Variants in TES observed in about 807,000 individuals in gnomAD.
TES encodes the protein testin.
TES carries 41 observed loss-of-function variants against 48.2 expected under a neutral mutation model. The observed-to-expected ratio is 0.85, with a 90% confidence interval of 0.66 to 1.10. The LOEUF is 1.10. Among genes scored for constraint, TES ranks in the 50% least tolerant of loss-of-function variants. The pLI is 0.00. For synonymous variants in TES, 162 were observed against 174.9 expected (o/e 0.93, Z 0.58); for missense variants, 463 against 515.1 (o/e 0.90, Z 0.98).
chr7:116,222,665 G>T (rs1799570643), intron 1 of TES: 1 of 152,170 alleles, frequency 6.6e-6, no homozygotes, highest in East Asian at 1.9e-4. Context: ...GCAGCTCTCT[G>T]TGGGATCCAC....
In TES at chr7:116,250,198, A is replaced by G; in HGVS notation, c.404A>G (p.Gln135Arg). The change falls in exon 4 of 7, where the codon CAG becomes CGG. Residue 135 changes from glutamine to arginine, a missense_variant. By Grantham distance (43) the Gln-to-Arg change is conservative. Transcript: ENST00000358204. ...ATGCAGATGCTACCCAAGGAAAAGCAGCCAGTAGCAGGCTCAGAGGGGGCA... is the reference window on the plus strand; with the variant it reads ...ATGCAGATGCTACCCAAGGAAAAGCGGCCAGTAGCAGGCTCAGAGGGGGCA... The part of the protein sequence containing the change: ...QYMQMLPKEK[Q>R]PVAGSEGAQY... The G allele has an allele frequency of 1.3e-6, 2 of 1,564,416 alleles. No individual in the cohort carries two copies. Among genetic ancestry groups the G allele is most frequent in the African/African-American group, 1.4e-5 (1 of 73,092 alleles).
At position 116,257,391 on chromosome 7, in the gene TES, C is replaced by A; in HGVS notation, c.1175C>A (p.Ser392Tyr). The change falls in exon 7 of 7, where the codon TCT (serine) becomes TAT (tyrosine). Residue 392 changes from serine (S) to tyrosine (Y), a missense_variant. Physicochemically the swap from Ser to Tyr is moderately radical, Grantham distance 144. Coordinates refer to ENST00000358204, the MANE Select transcript of TES (RefSeq NM_015641.4). ...WHASTECFLC[S>Y]CCSKCLIGQK... is the part of the protein sequence containing the mutation. ...GCATCCACAGAGTGCTTTCTGTGCTCTTGCTGCAGCAAATGCCTCATTGGG... is the reference window on the plus strand; with the variant it reads ...GCATCCACAGAGTGCTTTCTGTGCTATTGCTGCAGCAAATGCCTCATTGGG... 1 of 1,614,054 alleles carries A rather than the reference C, an allele frequency of 6.2e-7. No homozygotes were observed. Among genetic ancestry groups the A allele is most frequent in the Non-Finnish European group, 8.5e-7 (1 of 1,180,010 alleles).
In TES at chr7:116,239,478, G is replaced by A. The variant is rs183428058; in HGVS notation, c.113+4859G>A. Among the ~76,000 whole-genome samples, 20 of 152,310 alleles carry A rather than the reference G, an allele frequency of 1.3e-4. 1 individual carries two copies. The East Asian group carries it at 1.7e-3, about 13-fold the overall frequency. On this transcript the variant is annotated intron_variant, in intron 2 of 6. Transcript: ENST00000358204. Reference sequence around the variant, plus strand: ...TTATTATGTATGAGAAATCAAAGACGTAGGAAAGTTAAATAACTTACTAAA... The same window carrying A: ...TTATTATGTATGAGAAATCAAAGACATAGGAAAGTTAAATAACTTACTAAA...
At chr7:116,231,441 G>T (rs999795389) in intron 1 of TES, among the ~76,000 whole-genome samples, 1 of 152,162 alleles carries the variant, frequency 6.6e-6, no homozygotes, top group Non-Finnish European at 1.5e-5. Context: ...GAGACTCTGA[G>T]AACATGTGCC....
Position 116,249,174 on chromosome 7 carries a change from A to T in TES, c.268A>T (p.Asn90Tyr), listed in dbSNP as rs1417038458. The T allele has an allele frequency of 6.2e-7, 1 of 1,614,112 alleles. No individual in the cohort carries two copies. The highest frequency in any genetic ancestry group is 2.2e-5 in the East Asian group (1 of 44,856). ...KSDGIPMYKR[N>Y]VMILTNPVAA... The stretch of plus-strand genomic sequence containing the variant: ...AGATGGAATTCCCATGTATAAACGC[A>T]ATGTTATGATATTGACGAATCCAGT... The change falls in exon 3 of 7, where the codon AAT becomes TAT. Residue 90 changes from asparagine (N) to tyrosine (Y), a missense_variant. Physicochemically the swap from Asn to Tyr is moderately radical, Grantham distance 143. Transcript: ENST00000358204.
At position 116,249,820 on chromosome 7, in the gene TES, G is replaced by T. The variant is rs1012271817; in HGVS notation, c.367-341G>T. 214 of 190,560 alleles carry T rather than the reference G, an allele frequency of 1.1e-3. 1 individual carries two copies. Among genetic ancestry groups the T allele is most frequent in the African/African-American group, 4.8e-3 (206 of 43,160 alleles). The allele number at this position is 190,560 out of a possible 1,614,324, so 11.8% of individuals were successfully genotyped here. ...ATATCATTTTTTATGTAATAAAAAT[G>T]TTCCTGGTCCTACAGACCATTCCAA... On this transcript the variant is annotated intron_variant, in intron 3 of 6. Coordinates refer to ENST00000358204, the MANE Select transcript of TES (RefSeq NM_015641.4).
At chr7:116,242,297 A>G (rs1200274783) in intron 2 of TES, among the ~76,000 whole-genome samples, 1 of 152,220 alleles carries the variant, frequency 6.6e-6, no homozygotes, top group Non-Finnish European at 1.5e-5. Flanking sequence ...AAATAATTAC[A>G]TTGTTTTTGT....
chr7:116,252,442 T>A lies in TES; in HGVS notation c.1043T>A (p.Val348Glu). ...EIYVMVNDKPVCKPCYVKNHA... is the reference protein window; with the variant it reads ...EIYVMVNDKPECKPCYVKNHA... The stretch of plus-strand genomic sequence containing the variant: ...TACGTGATGGTCAATGACAAGCCCG[T>A]GTGCAAGCCCTGCTATGTGAAGAAT... The change falls in exon 6 of 7, where the codon GTG (valine) becomes GAG (glutamate). Residue 348 changes from valine (V) to glutamate (E), a missense_variant. Coordinates refer to ENST00000358204, the MANE Select transcript of TES (RefSeq NM_015641.4). 2 of 1,614,240 alleles carry A rather than the reference T, an allele frequency of 1.2e-6. No individual in the cohort carries two copies. Among genetic ancestry groups the A allele is most frequent in the Non-Finnish European group, 1.7e-6 (2 of 1,180,042 alleles).
intron 1 of TES, chr7:116,211,378 G>C (rs1173345863): frequency 5.3e-5 from 8 of 152,220 alleles, no homozygotes; most frequent in Admixed American, 5.2e-4. Context: ...TGTTTGGCAG[G>C]TAGTCCCAAA....
Position 116,234,532 on chromosome 7 carries a change from A to C in TES, c.28-2A>C. 1 of 1,612,508 alleles carries C rather than the reference A, an allele frequency of 6.2e-7. No homozygotes were observed. Among genetic ancestry groups the C allele is most frequent in the Non-Finnish European group, 8.5e-7 (1 of 1,179,204 alleles). On this transcript the variant is annotated splice_acceptor_variant, in intron 1 of 6. Transcript: ENST00000358204. LOFTEE classifies it high-confidence loss of function. ...AGATTCATGATGTTTTCTTTTTAAC[A>C]GATGGGCTTAGGTCACGAGCAAGGA...
chr7:116,228,086 GC>G (rs1442039024), intron 1 of TES, among the ~76,000 whole-genome samples: 1 of 142,294 alleles, frequency 7.0e-6, no homozygotes, highest in Non-Finnish European at 1.5e-5. Context: ...CTGAAATGTT[GC>G]CAACCTATTC....
chr7:116,217,498 T>A (rs778602014), intron 1 of TES, among the ~76,000 whole-genome samples: 1 of 152,128 alleles, frequency 6.6e-6, no homozygotes. Context: ...AAATTATGAT[T>A]TTAAAAGAAT....
chr7:116,251,892 A>G lies in TES; in HGVS notation c.835A>G (p.Ile279Val). 1 of 1,614,016 alleles carries G rather than the reference A, an allele frequency of 6.2e-7. No homozygotes were observed. The highest frequency in any genetic ancestry group is 8.5e-7 in the Non-Finnish European group (1 of 1,179,996). ...STCHELLVDM[I>V]YFWKNEKLYC... ...CTGCCATGAACTCCTGGTTGACATG[A>G]TTTATTTTTGGAAGAATGAGAAGCT... is the stretch of plus-strand genomic sequence containing the variant. The change falls in exon 5 of 7, where the codon ATT (isoleucine) becomes GTT (valine). Residue 279 changes from isoleucine to valine, a missense_variant. Transcript: ENST00000358204.
rs145251243 is a variant in TES, at chr7:116,216,048, TC to T, written c.27+5316del. ...GCTCTCATGGAGCTCCAGAGTGACA[TC>T]CAGCATTGTTAGCATGCGATCAACA... On this transcript the variant is annotated intron_variant, in intron 1 of 6. Coordinates refer to ENST00000358204, the MANE Select transcript of TES (RefSeq NM_015641.4). Among the ~76,000 whole-genome samples the T allele has an allele frequency of 6.5e-3, 994 of 152,252 alleles. 23 individuals are homozygous for T. The highest frequency in any genetic ancestry group is 0.023 in the African/African-American group (961 of 41,528).
At chr7:116,226,807 AAGG>A (rs1453673275) in intron 1 of TES, among the ~76,000 whole-genome samples, 1 of 152,164 alleles carries the variant, frequency 6.6e-6, no homozygotes, top group African/African-American at 2.4e-5. Context: ...AGACAAGGAC[AAGG>A]AGGCCTCTGG....
chr7:116,252,207 T>A, intron 5 of TES, 111 bp from the exon 6 acceptor site: 1 of 1,238,904 alleles, frequency 8.1e-7, no homozygotes, highest in Non-Finnish European at 1.1e-6. Flanking sequence ...ATAGCATAAG[T>A]TCAAGCTTTA....
At chr7:116,251,482 A>C (rs1800007169) in intron 4 of TES, 1 of 344,916 alleles carries the variant, frequency 2.9e-6, no homozygotes, top group Non-Finnish European at 5.6e-6. Context: ...GGAGATTGAG[A>C]CCATCCTGGC....
intron 6 of TES, 151 bp downstream of exon 6, chr7:116,252,627 A>G (rs1242251335): frequency 9.0e-7 from 1 of 1,109,658 alleles, no homozygotes; most frequent in Non-Finnish European, 1.3e-6. Flanking sequence ...AAATCAAGGC[A>G]ATTCAAAAAC....
intron 1 of TES, among the ~76,000 whole-genome samples, chr7:116,230,878 T>C (rs1292857700): frequency 2.6e-5 from 4 of 152,230 alleles, no homozygotes; most frequent in Non-Finnish European, 5.9e-5. Context: ...CTGCTCAGCC[T>C]TTCCATTGTA....
Sources: allele counts gnomAD v4.1 joint callset (sites outside exome capture counted in the v4.1 genomes callset), GRCh38; gene constraint gnomAD v4.1.1; transcripts MANE v1.5; gene names NCBI Gene and HGNC (gene_info 2026-07-23, HGNC 2026-07-21).